Variants in IBTK observed in about 807,000 individuals in gnomAD.
IBTK encodes inhibitor of Bruton tyrosine kinase, also known as BTK-binding protein.
IBTK carries 83 observed loss-of-function variants against 154.9 expected under a neutral mutation model. That is an observed-to-expected ratio of 0.54 (90% confidence interval 0.45 to 0.64). IBTK has a LOEUF of 0.64. Ranked by LOEUF, IBTK falls within the 30% of genes least tolerant of loss-of-function variation. IBTK has a pLI of 0.00. For synonymous variants in IBTK, 515 were observed against 536.1 expected (o/e 0.96, Z 0.54); for missense variants, 1,332 against 1,584.6 (o/e 0.84, Z 2.71).
At chr6:82,204,198 A>G (rs1024836958) in intron 17 of IBTK, among the ~76,000 whole-genome samples, 2 of 152,200 alleles carry the variant, frequency 1.3e-5, no homozygotes, top group Non-Finnish European at 2.9e-5. Flanking sequence ...ACTACCCAGA[A>G]GGAACAGATA....
chr6:82,200,733 T>C, intron 19 of IBTK, 25 bp from the exon 20 acceptor site: 1 of 1,125,610 alleles, frequency 8.9e-7, no homozygotes, highest in Non-Finnish European at 1.3e-6. Context: ...ATATCACTTT[T>C]CAAATACAAA....
intron 23 of IBTK, among the ~76,000 whole-genome samples, chr6:82,192,738 A>G (rs1412239875): frequency 7.1e-6 from 1 of 140,314 alleles, no homozygotes; most frequent in East Asian, 2.1e-4. Context: ...TGAGGGCGAA[A>G]CTCTGTCTCA....
chr6:82,225,605 G>T lies in IBTK; in HGVS notation c.697C>A (p.Gln233Lys). Reference protein sequence around the residue: ...VEGLNGHNCSQVAAAKDHTVV... With the variant: ...VEGLNGHNCSKVAAAKDHTVV... Reference sequence around the variant, plus strand: ...GTATGATCCTTAGCAGCTGCCACTTGGGAACAATTATGACCATTCAGTCCT... The same window carrying T: ...GTATGATCCTTAGCAGCTGCCACTTTGGAACAATTATGACCATTCAGTCCT... Residue 233 changes from glutamine to lysine, a missense_variant, in exon 6 of 29, where the codon CAA becomes AAA. Transcript: ENST00000306270. The T allele has an allele frequency of 6.2e-7, 1 of 1,613,194 alleles. No homozygotes were observed. The highest frequency in any genetic ancestry group is 1.1e-5 in the South Asian group (1 of 90,912).
intron 16 of IBTK, chr6:82,205,811 A>C (rs1769387056): frequency 6.6e-6 from 1 of 152,162 alleles, no homozygotes; most frequent in Non-Finnish European, 1.5e-5. Flanking sequence ...CAGTACTACT[A>C]ATGGCTTTTT....
At chr6:82,219,213 A>T (rs1450110887) in intron 9 of IBTK, among the ~76,000 whole-genome samples, 1 of 152,030 alleles carries the variant, frequency 6.6e-6, no homozygotes, top group African/African-American at 2.4e-5. Context: ...TGCTGCACAG[A>T]GCATCACATC....
Position 82,223,523 on chromosome 6 carries a change from T to G in IBTK, c.1041A>C (p.Ala347=). Residue 347 remains alanine, a synonymous_variant, in exon 8 of 29, where the codon GCA becomes GCC. Transcript: ENST00000306270. ...HKDIALSLVA[A]SDGATVCVTT... ...TAACACAGACTGTAGCTCCATCACT[T>G]GCAGCAACCAAAGACAGAGCAATGT... 1.2e-6 allele frequency: 2 copies of G among 1,614,148 alleles called. No homozygotes were observed. The highest frequency in any genetic ancestry group is 1.7e-6 in the Non-Finnish European group (2 of 1,179,974).
intron 28 of IBTK, among the ~76,000 whole-genome samples, chr6:82,171,920 T>C (rs1767939044): frequency 6.6e-6 from 1 of 152,244 alleles, no homozygotes; most frequent in South Asian, 2.1e-4. Flanking sequence ...CCAGTGCTAC[T>C]ATGCGTCTTT....
rs780158917 is a variant in IBTK at position 82,217,951 on chromosome 6, T to G, written c.1426+9A>C. 2 of 1,572,386 alleles carry G rather than the reference T, an allele frequency of 1.3e-6. No individual in the cohort carries two copies. Among genetic ancestry groups the G allele is most frequent in the Non-Finnish European group, 1.7e-6 (2 of 1,158,910 alleles). The stretch of plus-strand genomic sequence containing the variant: ...GTACTTTTACGTATTGTTCAATATA[T>G]GAACTGACCTTTCTTTTCAGAACTC... On this transcript the variant is annotated intron_variant, in intron 10 of 28. Coordinates refer to ENST00000306270, the MANE Select transcript of IBTK (RefSeq NM_015525.4).
chr6:82,220,880 C>T (rs997989019), intron 8 of IBTK, among the ~76,000 whole-genome samples, 167 bp from the exon 9 acceptor site: 3 of 151,020 alleles, frequency 2.0e-5, no homozygotes, highest in Admixed American at 6.6e-5. Context: ...GTAAATTTCC[C>T]CTACAAGGGG....
chr6:82,230,673 T>C (rs967893066), intron 4 of IBTK, among the ~76,000 whole-genome samples: 7 of 152,126 alleles, frequency 4.6e-5, no homozygotes, highest in African/African-American at 1.4e-4. Context: ...AAAATAACAC[T>C]TCAGACATTC....
intron 13 of IBTK, among the ~76,000 whole-genome samples, chr6:82,212,091 TACA>T (rs1319177327): frequency 6.6e-6 from 1 of 151,906 alleles, no homozygotes; most frequent in Non-Finnish European, 1.5e-5. Flanking sequence ...GCCTCCCGAG[TACA>T]AGTGATTCTC....
intron 1 of IBTK, among the ~76,000 whole-genome samples, chr6:82,243,361 T>A (rs1029717031): frequency 6.6e-6 from 1 of 152,228 alleles, no homozygotes; most frequent in Non-Finnish European, 1.5e-5. Context: ...TTGCTTTCTA[T>A]GGTTTCTATT....
Position 82,218,139 on chromosome 6 carries a change from TA to T in IBTK, c.1249-3del. ...GTTGACTGATCTCCAGCAAAACACC[TA>T]AAACAAAACCAAATCACATTGAAAT... On this transcript the variant is annotated splice_region_variant and splice_polypyrimidine_tract_variant and intron_variant, in intron 9 of 28. Transcript: ENST00000306270. 1 of 1,544,878 alleles carries T rather than the reference TA, an allele frequency of 6.5e-7. No homozygotes were observed. The highest frequency in any genetic ancestry group is 8.7e-7 in the Non-Finnish European group (1 of 1,148,868).
chr6:82,233,711 GTTTTT>G (rs375746607), intron 3 of IBTK, among the ~76,000 whole-genome samples: 5 of 122,840 alleles, frequency 4.1e-5, no homozygotes, highest in African/African-American at 1.5e-4. Context: ...CATTTGTAAA[GTTTTT>G]TTTTTTTTTT....
chr6:82,203,291 A>G (rs889523111), intron 17 of IBTK, among the ~76,000 whole-genome samples: 4 of 152,074 alleles, frequency 2.6e-5, no homozygotes, highest in African/African-American at 9.7e-5. Flanking sequence ...CCATTTTCCT[A>G]GAGACTCTCC....
At chr6:82,215,785 A>AC (rs1301564946) in intron 11 of IBTK, among the ~76,000 whole-genome samples, 1 of 151,222 alleles carries the variant, frequency 6.6e-6, no homozygotes, top group Non-Finnish European at 1.5e-5. Flanking sequence ...CATCTCAAAA[A>AC]AAAAAAAAAA....
At chr6:82,225,428 G>A (rs754284584) in intron 6 of IBTK, 49 bp downstream of exon 6, 1 of 1,478,560 alleles carries the variant, frequency 6.8e-7, no homozygotes, top group Non-Finnish European at 9.3e-7. Context: ...TGTTCATACA[G>A]GTTTTATTGC....
chr6:82,203,492 C>T (rs1166847070), intron 17 of IBTK, among the ~76,000 whole-genome samples: 1 of 152,114 alleles, frequency 6.6e-6, no homozygotes, highest in Non-Finnish European at 1.5e-5. Flanking sequence ...TGGTCTCTGT[C>T]TCACTCCTGA....
rs1440681949 is a variant in IBTK, at chr6:82,225,630, T to C, written c.672A>G (p.Glu224=). ...EQTCLVPRLV[E]GLNGHNCSQV... ...GGGAACAATTATGACCATTCAGTCCTTCCACAAGCCGAGGGACCTACAAAA... is the reference window on the plus strand; with the variant it reads ...GGGAACAATTATGACCATTCAGTCCCTCCACAAGCCGAGGGACCTACAAAA... The change falls in exon 6 of 29, where the codon GAA becomes GAG. Residue 224 remains glutamate, a synonymous_variant. Coordinates refer to ENST00000306270, the MANE Select transcript of IBTK (RefSeq NM_015525.4). 6.2e-6 allele frequency: 10 copies of C among 1,609,704 alleles called. No homozygotes were observed. In the East Asian group the frequency reaches 1.3e-4, roughly 22 times the overall value.
Sources: allele counts gnomAD v4.1 joint callset (sites outside exome capture counted in the v4.1 genomes callset), GRCh38; gene constraint gnomAD v4.1.1; transcripts MANE v1.5; gene names NCBI Gene and HGNC (gene_info 2026-07-23, HGNC 2026-07-21).